MAN2A1: variants seen among roughly 807,000 people sequenced by gnomAD.
MAN2A1 encodes the protein alpha-mannosidase 2.
In MAN2A1, 76 loss-of-function variants were observed where a neutral mutation model predicts 142.6. The ratio of observed to expected loss-of-function variants is 0.53; its 90% CI spans 0.44 to 0.65. MAN2A1 has a LOEUF of 0.65. Among genes scored for constraint, MAN2A1 ranks in the 30% least tolerant of loss-of-function variants. The probability of loss-of-function intolerance (pLI) is 0.00; values close to 1 mark genes in which losing one functional copy is unlikely to be tolerated. For missense variants in MAN2A1, 1,311 were observed against 1,365.1 expected, an observed-to-expected ratio of 0.96 and a Z score of 0.62; for synonymous variants, 559 against 473.2, an observed-to-expected ratio of 1.18 and a Z score of -2.35.
At chr5:109,737,092 CTTTT>C (rs10686903) in intron 4 of MAN2A1, among the ~76,000 whole-genome samples, 52 of 112,146 alleles carry the variant, frequency 4.6e-4, no homozygotes, top group African/African-American at 1.7e-3. Flanking sequence ...ACTGTATACT[CTTTT>C]TTTTTTTTTT....
At chr5:109,731,617 T>A (rs1434376662) in intron 4 of MAN2A1, among the ~76,000 whole-genome samples, 1 of 149,378 alleles carries the variant, frequency 6.7e-6, no homozygotes, top group Non-Finnish European at 1.5e-5. Context: ...TGGTGTTTGG[T>A]TTTTTGTCCT....
intron 2 of MAN2A1, 31 bp downstream of exon 2, chr5:109,713,805 C>CA: frequency 7.2e-7 from 1 of 1,385,242 alleles, no homozygotes; most frequent in Admixed American, 2.3e-5. Context: ...TAATCACTGG[C>CA]CTTTTTTTTT....
rs183328410 is a variant in MAN2A1 at position 109,775,581 on chromosome 5, C to T, written c.1374+616C>T. Reference sequence around the variant, plus strand: ...ATATCCATGGCTCAGCTGCAGCATTCTTCAACTCAAGACCACTCTTGTTTC... The same window carrying T: ...ATATCCATGGCTCAGCTGCAGCATTTTTCAACTCAAGACCACTCTTGTTTC... On this transcript the variant is annotated intron_variant, in intron 8 of 21. Transcript: ENST00000261483. Among the ~76,000 whole-genome samples the T allele has an allele frequency of 9.0e-4, 137 of 151,960 alleles. 2 individuals are homozygous for T. The East Asian group carries it at 0.025, about 28-fold the overall frequency.
At chr5:109,788,469 A>G (rs1394802540) in intron 10 of MAN2A1, among the ~76,000 whole-genome samples, 1 of 151,918 alleles carries the variant, frequency 6.6e-6, no homozygotes, top group East Asian at 1.9e-4. Flanking sequence ...TAAATTAAAC[A>G]AAACATCTAT....
At chr5:109,729,213 C>G in intron 3 of MAN2A1, 129 bp from the exon 4 acceptor site, 1 of 527,262 alleles carries the variant, frequency 1.9e-6, no homozygotes, top group Non-Finnish European at 3.3e-6. Flanking sequence ...TTGAAAACAC[C>G]TGTTAAATTT....
chr5:109,828,600 G>A (rs934588517), intron 16 of MAN2A1, among the ~76,000 whole-genome samples: 11 of 152,278 alleles, frequency 7.2e-5, no homozygotes, highest in Middle Eastern at 3.4e-3. Flanking sequence ...CGAGTATGTC[G>A]TGTACATTTC....
At chr5:109,840,280 A>G (rs186515982) in intron 16 of MAN2A1, 31 of 299,228 alleles carry the variant, frequency 1.0e-4, no homozygotes, top group South Asian at 9.9e-4. Context: ...ATTTTCGTCT[A>G]AAGTGTTGAA....
At chr5:109,747,949 T>A (rs1752449659) in intron 4 of MAN2A1, among the ~76,000 whole-genome samples, 1 of 152,212 alleles carries the variant, frequency 6.6e-6, no homozygotes, top group South Asian at 2.1e-4. Context: ...TTATTTTAAG[T>A]AATAGGCATC....
Position 109,830,842 on chromosome 5 carries a change from G to A in MAN2A1, c.2566+7005G>A, listed in dbSNP as rs115952089. 6.5e-3 allele frequency among the ~76,000 whole-genome samples: 984 copies of A among 152,282 alleles called. 16 individuals carry two copies. The highest frequency in any genetic ancestry group is 0.022 in the African/African-American group (921 of 41,546). Reference sequence around the variant, plus strand: ...CTGATCATTCCCTACAGGCATGAAAGAGAAGGTTATTTTAAGGGACTGCAA... The same window carrying A: ...CTGATCATTCCCTACAGGCATGAAAAAGAAGGTTATTTTAAGGGACTGCAA... On this transcript the variant is annotated intron_variant, in intron 16 of 21. Coordinates refer to ENST00000261483, the MANE Select transcript of MAN2A1 (RefSeq NM_002372.4).
chr5:109,777,497 G>T (rs1753327108), intron 8 of MAN2A1, among the ~76,000 whole-genome samples: 1 of 151,856 alleles, frequency 6.6e-6, no homozygotes, highest in Non-Finnish European at 1.5e-5. Context: ...TGCAAATGTT[G>T]TCTCCTACTA....
intron 9 of MAN2A1, among the ~76,000 whole-genome samples, chr5:109,783,016 C>G (rs1161908740): frequency 6.6e-6 from 1 of 151,998 alleles, no homozygotes; most frequent in Non-Finnish European, 1.5e-5. Context: ...CATTCTTACC[C>G]TACAGAATAT....
chr5:109,798,056 A>T (rs1189701951), intron 12 of MAN2A1, among the ~76,000 whole-genome samples: 1 of 152,190 alleles, frequency 6.6e-6, no homozygotes, highest in Non-Finnish European at 1.5e-5. Flanking sequence ...AAAATGAAGA[A>T]TTAAAAAGGC....
intron 7 of MAN2A1, among the ~76,000 whole-genome samples, chr5:109,770,944 G>C (rs1011841304): frequency 6.6e-6 from 1 of 152,182 alleles, no homozygotes; most frequent in Non-Finnish European, 1.5e-5. Flanking sequence ...AGCACATAAA[G>C]AGTGTAATTA....
At chr5:109,797,816 T>G (rs1003958675) in intron 12 of MAN2A1, among the ~76,000 whole-genome samples, 8 of 152,126 alleles carry the variant, frequency 5.3e-5, no homozygotes, top group African/African-American at 1.9e-4. Flanking sequence ...AAGACTATAT[T>G]GTATAATATA....
chr5:109,735,878 G>GTCT (rs1752078912), intron 4 of MAN2A1, among the ~76,000 whole-genome samples: 1 of 98,404 alleles, frequency 1.0e-5, no homozygotes, highest in East Asian at 3.7e-4. Flanking sequence ...TTCCATTGGA[G>GTCT]TTTTTTTTTT....
In MAN2A1 at chr5:109,718,632, C is replaced by A. The variant is rs563503454; in HGVS notation, c.535+2368C>A. Among the ~76,000 whole-genome samples the A allele has an allele frequency of 1.5e-3, 230 of 152,258 alleles. 1 individual carries two copies. Among genetic ancestry groups the A allele is most frequent in the African/African-American group, 5.2e-3 (216 of 41,544 alleles). On this transcript the variant is annotated intron_variant, in intron 3 of 21. Transcript: ENST00000261483. Reference sequence around the variant, plus strand: ...TAGAATAATTGCCAAATAAATAAGACCTCTTTGACCTTTCTCAAAGCCCCT... The same window carrying A: ...TAGAATAATTGCCAAATAAATAAGAACTCTTTGACCTTTCTCAAAGCCCCT...
At chr5:109,694,134 A>G (rs1156811272) in intron 1 of MAN2A1, among the ~76,000 whole-genome samples, 1 of 152,202 alleles carries the variant, frequency 6.6e-6, no homozygotes, top group Non-Finnish European at 1.5e-5. Flanking sequence ...ATAACAAATG[A>G]TCACTTTTTA....
At chr5:109,859,491 C>A (rs1312004709) in intron 20 of MAN2A1, among the ~76,000 whole-genome samples, 1 of 152,218 alleles carries the variant, frequency 6.6e-6, no homozygotes, top group Non-Finnish European at 1.5e-5. Flanking sequence ...CCACTATCTA[C>A]AAACTTACCC....
chr5:109,858,929 G>C (rs6594403), intron 20 of MAN2A1, among the ~76,000 whole-genome samples: 12,560 of 152,300 alleles, frequency 0.082, 611 homozygotes, highest in African/African-American at 0.15. Flanking sequence ...TGGTTCAGCA[G>C]TTCCAGCTAC....
Sources: allele counts gnomAD v4.1 joint callset (sites outside exome capture counted in the v4.1 genomes callset), GRCh38; gene constraint gnomAD v4.1.1; transcripts MANE v1.5; gene names NCBI Gene and HGNC (gene_info 2026-07-23, HGNC 2026-07-21).